The following HDAC8 variants were observed in gnomAD, a reference collection of about 807,000 sequenced individuals.
The protein encoded by HDAC8 is histone deacetylase-like 1.
HDAC8 carries 1 observed loss-of-function variant against 32.2 expected under a neutral mutation model. The observed-to-expected ratio is 0.03, with a 90% CI of 0.01 to 0.15. The LOEUF (loss-of-function observed/expected upper bound fraction) is 0.15, where lower values mean the gene tolerates loss of function less well. Among genes scored for constraint, HDAC8 ranks in the 10% least tolerant of loss-of-function variants. The pLI is 1.00. For synonymous variants in HDAC8, 108 were observed against 113.9 expected (o/e 0.95, Z 0.33); for missense variants, 117 against 300.0 (o/e 0.39, Z 4.51).
intron 9 of HDAC8, among the ~76,000 whole-genome samples, chrX:72,455,609 A>T (rs1319821715): frequency 8.9e-6 from 1 of 112,434 alleles, no homozygotes; most frequent in East Asian, 2.8e-4. Flanking sequence ...AACAACTGAC[A>T]GCATTTCTTG....
chrX:72,416,408 GTTTTTTTTTTTTTTTTT>G (rs549411405), intron 9 of HDAC8, among the ~76,000 whole-genome samples: 116 of 3,690 alleles, frequency 0.031, no homozygotes, highest in African/African-American at 0.053. Context: ...TGTCTTCTCT[GTTTTTTTTTTTTTTTTT>G]TTTTTTTTTT....
chrX:72,451,031 C>A (rs1246267989), intron 9 of HDAC8, among the ~76,000 whole-genome samples: 1 of 111,214 alleles, frequency 9.0e-6, no homozygotes, highest in East Asian at 2.8e-4. Context: ...GAAAAAAAAT[C>A]TGAAATCCAA....
chrX:72,460,163 G>A (rs1168556103), intron 9 of HDAC8, among the ~76,000 whole-genome samples: 2 of 110,713 alleles, frequency 1.8e-5, no homozygotes, highest in African/African-American at 6.6e-5. Flanking sequence ...TTGAGACGGA[G>A]TGTCACACTG....
intron 9 of HDAC8, among the ~76,000 whole-genome samples, chrX:72,414,746 A>G (rs2046289933): frequency 8.9e-6 from 1 of 111,751 alleles, no homozygotes; most frequent in South Asian, 3.7e-4. Flanking sequence ...CCACTTGTGC[A>G]GTGGCTGGAG....
rs190862046 is a variant in HDAC8, at chrX:72,357,323, C to G, written c.1006-5485G>C. Among the ~76,000 whole-genome samples, 211 of 107,953 alleles carry G rather than the reference C, an allele frequency of 2.0e-3. 1 individual carries two copies. The highest frequency in any genetic ancestry group is 7.1e-3 in the African/African-American group (208 of 29,481). The allele number at this position is 107,953 out of a possible 115,157, so 93.7% of individuals were successfully genotyped here. A position where few individuals can be genotyped will look rare whatever the true frequency, so the allele number is the denominator to read the frequency against. ...TCTTAGTTTAGGAGAGAGGTTGGGC[C>G]TACGACACAATGCATGTCATAGATT... On this transcript the variant is annotated intron_variant, in intron 9 of 10. Transcript: ENST00000373573.
intron 4 of HDAC8, among the ~76,000 whole-genome samples, chrX:72,564,021 A>G (rs1046297602): frequency 9.0e-6 from 1 of 110,972 alleles, no homozygotes; most frequent in East Asian, 2.8e-4. Flanking sequence ...TTAGCCGGGC[A>G]TGGTGGCACG....
chrX:72,545,753 C>T (rs1233472864), intron 4 of HDAC8, among the ~76,000 whole-genome samples: 2 of 111,636 alleles, frequency 1.8e-5, no homozygotes, highest in African/African-American at 6.5e-5. Flanking sequence ...ATGGTAAAGG[C>T]CTGTTGGTTT....
At chrX:72,481,064 G>GT (rs1204057357) in intron 7 of HDAC8, among the ~76,000 whole-genome samples, 2 of 107,775 alleles carry the variant, frequency 1.9e-5, no homozygotes, top group Non-Finnish European at 3.9e-5. Context: ...AGAACTTAAA[G>GT]TAAAAAAAAA....
chrX:72,357,974 G>A (rs981871659), intron 9 of HDAC8, among the ~76,000 whole-genome samples: 3 of 109,540 alleles, frequency 2.7e-5, no homozygotes, highest in African/African-American at 1.0e-4. Context: ...GCATGATCTC[G>A]GATCACTGCA....
intron 4 of HDAC8, among the ~76,000 whole-genome samples, chrX:72,561,343 C>T (rs2051556060): frequency 8.9e-6 from 1 of 112,141 alleles, no homozygotes; most frequent in Admixed American, 9.4e-5. Context: ...AGCACATAGA[C>T]CAATGGAACA....
chrX:72,509,078 G>T (rs1556020484), intron 4 of HDAC8, among the ~76,000 whole-genome samples: 2 of 109,011 alleles, frequency 1.8e-5, no homozygotes, highest in Non-Finnish European at 3.8e-5. Context: ...AATAAGAACA[G>T]TTAACATAAG....
rs185498875 is a variant in HDAC8, at chrX:72,515,897, A to C, written c.438-20629T>G. Among the ~76,000 whole-genome samples, 5 of 112,305 alleles carry C rather than the reference A, an allele frequency of 4.5e-5. No individual in the cohort carries two copies. In the East Asian group the frequency reaches 1.4e-3, roughly 32 times the overall value. ...TATCACTTTTTAAAAGTGCAGAGGG[A>C]CTAGCACTGCAAAAGGTCTGAGGCA... On this transcript the variant is annotated intron_variant, in intron 4 of 10. Transcript: ENST00000373573.
intron 4 of HDAC8, among the ~76,000 whole-genome samples, chrX:72,539,492 G>A (rs1009171760): frequency 5.5e-5 from 6 of 109,203 alleles, no homozygotes; most frequent in Admixed American, 9.8e-5. Flanking sequence ...CACCCGCCTC[G>A]GCCTCCCAAA....
intron 4 of HDAC8, among the ~76,000 whole-genome samples, chrX:72,565,893 T>C (rs2051764574): frequency 9.0e-6 from 1 of 111,299 alleles, no homozygotes; most frequent in South Asian, 3.8e-4. Flanking sequence ...TCATGTGTAA[T>C]GCCAGCACTT....
intron 4 of HDAC8, among the ~76,000 whole-genome samples, chrX:72,502,568 A>G (rs2049257618): frequency 9.0e-6 from 1 of 111,454 alleles, no homozygotes; most frequent in South Asian, 3.8e-4. Flanking sequence ...CTGTGACACA[A>G]GTTTACCAAG....
intron 9 of HDAC8, among the ~76,000 whole-genome samples, chrX:72,420,593 A>G (rs2046460239): frequency 8.9e-6 from 1 of 111,796 alleles, no homozygotes; most frequent in African/African-American, 3.2e-5. Flanking sequence ...TGTACCTATT[A>G]TTGTACAACT....
At position 72,351,717 on chromosome X, in the gene HDAC8, G is replaced by A. The variant is rs1039038766; in HGVS notation, c.1111+16C>T. 30 of 1,162,597 alleles carry A rather than the reference G, an allele frequency of 2.6e-5. No individual in the cohort carries two copies. Among genetic ancestry groups the A allele is most frequent in the Admixed American group, 2.0e-4 (9 of 45,680 alleles). Reference sequence around the variant, plus strand: ...GGGTGGAACAAGGAGGGCAGGCCTCGAGGGGCGGTGCTCACCTTTGATGTA... The same window carrying A: ...GGGTGGAACAAGGAGGGCAGGCCTCAAGGGGCGGTGCTCACCTTTGATGTA... On this transcript the variant is annotated intron_variant, in intron 10 of 10. Transcript: ENST00000373573.
At chrX:72,552,502 T>C (rs1312464105) in intron 4 of HDAC8, among the ~76,000 whole-genome samples, 4 of 110,123 alleles carry the variant, frequency 3.6e-5, no homozygotes, top group African/African-American at 6.6e-5. Flanking sequence ...TCCCAGCCAC[T>C]CGGGAGGCTG....
At chrX:72,488,395 G>A (rs1807177728) in intron 7 of HDAC8, among the ~76,000 whole-genome samples, 1 of 110,697 alleles carries the variant, frequency 9.0e-6, no homozygotes, top group South Asian at 3.8e-4. Context: ...TCCACACATT[G>A]GCACCAATCT....
Sources: allele counts gnomAD v4.1 joint callset (sites outside exome capture counted in the v4.1 genomes callset), GRCh38; gene constraint gnomAD v4.1.1; transcripts MANE v1.5; gene names NCBI Gene and HGNC (gene_info 2026-07-23, HGNC 2026-07-21).